The following IK variants were observed in gnomAD, a reference collection of about 807,000 sequenced individuals.
The protein encoded by IK is IK cytokine, also known as protein Red.
In IK, 47 loss-of-function variants were observed where a neutral mutation model predicts 90.9. That is an observed-to-expected ratio of 0.52 (90% CI 0.41 to 0.66). The LOEUF (loss-of-function observed/expected upper bound fraction) is 0.66, where lower values mean the gene tolerates loss of function less well. IK is among the 30% of genes least tolerant of loss of function. The probability of loss-of-function intolerance (pLI) is 0.00; values close to 1 mark genes in which losing one functional copy is unlikely to be tolerated. For synonymous variants in IK, 201 were observed against 227.5 expected (o/e 0.88, Z 1.05); for missense variants, 385 against 709.3 (o/e 0.54, Z 5.19).
At position 140,662,319 on chromosome 5, in the gene IK, C is replaced by A; in HGVS notation, c.1664C>A (p.Pro555Gln). ...CATTGCAGGGTTGAAGTCAAAAGAC[C>A]AAAATACTAATCACTAGTTACAACC... is the stretch of plus-strand genomic sequence containing the variant. ...MEADGVEVKRPKY is the reference protein window; with the variant it reads ...MEADGVEVKRQKY Residue 555 changes from proline (P) to glutamine (Q), a missense_variant, in exon 20 of 20, where the codon CCA becomes CAA. Physicochemically the swap from Pro to Gln is moderately conservative, Grantham distance 76. This residue lies in a region of IK where 29 missense variants were observed against 41.8 expected (regional missense o/e 0.69). Coordinates refer to ENST00000417647, the MANE Select transcript of IK (RefSeq NM_006083.4). 1.2e-6 allele frequency: 2 copies of A among 1,613,864 alleles called. No homozygotes were observed. Among genetic ancestry groups the A allele is most frequent in the Non-Finnish European group, 1.7e-6 (2 of 1,179,796 alleles).
intron 13 of IK, 137 bp downstream of exon 13, chr5:140,659,470 A>G (rs1377024053): frequency 2.1e-6 from 2 of 932,940 alleles, no homozygotes; most frequent in Non-Finnish European, 3.5e-6. Context: ...GCTTTATTGA[A>G]TAGGTGGAGT....
chr5:140,662,080 G>T, intron 18 of IK, 73 bp downstream of exon 18: 2 of 1,578,258 alleles, frequency 1.3e-6, no homozygotes, highest in South Asian at 1.1e-5. Flanking sequence ...TCAGGAACAG[G>T]CAAGGGGCTG....
chr5:140,659,205 C>T, intron 12 of IK, 41 bp downstream of exon 12: 2 of 1,602,198 alleles, frequency 1.2e-6, no homozygotes, highest in Non-Finnish European at 1.7e-6. Flanking sequence ...GGAGTTGCCC[C>T]TCTCTGGAAA....
chr5:140,659,186 C>T, intron 12 of IK, 22 bp downstream of exon 12: 3 of 1,593,296 alleles, frequency 1.9e-6, no homozygotes, highest in Non-Finnish European at 2.6e-6. Context: ...GCCCTTAGTA[C>T]CAGGTGATGG....
chr5:140,660,292 C>CTTTTTTTTTTTTTTTTTTTT lies in IK; in HGVS notation c.1355+100_1355+119dup, dbSNP rs200714869. 170 of 283,142 alleles carry CTTTTTTTTTTTTTTTTTTTT rather than the reference C, an allele frequency of 6.0e-4. 27 individuals are homozygous for CTTTTTTTTTTTTTTTTTTTT. The highest frequency in any genetic ancestry group is 5.7e-3 in the African/African-American group (111 of 19,472). 17.5% of individuals were successfully genotyped at this position (283,142 alleles called of 1,614,324 possible). ...GATTCGCTAAGTCCCAGGGCTACTT[C>CTTTTTTTTTTTTTTTTTTTT]TTTTTTTTTTTTTTTTTTTTTTGGA... On this transcript the variant is annotated intron_variant, in intron 15 of 19. Coordinates refer to ENST00000417647, the MANE Select transcript of IK (RefSeq NM_006083.4).
chr5:140,659,753 T>C lies in IK; in HGVS notation c.1196-3T>C, dbSNP rs779549192. The C allele has an allele frequency of 6.3e-7, 1 of 1,584,918 alleles. No individual in the cohort carries two copies. The highest frequency in any genetic ancestry group is 8.6e-7 in the Non-Finnish European group (1 of 1,163,392). ...GTCTGGGCTGAGTTCTCTTTTCTCC[T>C]AGGACCTGGGTCTACCAAGGAGTTG... On this transcript the variant is annotated splice_region_variant and splice_polypyrimidine_tract_variant and intron_variant, in intron 13 of 19. Transcript: ENST00000417647.
intron 9 of IK, 120 bp from the exon 10 acceptor site, chr5:140,657,434 C>T (rs936705114): frequency 1.8e-5 from 12 of 671,886 alleles, no homozygotes; most frequent in East Asian, 1.1e-4. Context: ...CACAGCACTT[C>T]GTTTCCCTCC....
chr5:140,659,246 A>G (rs1757762209), intron 12 of IK, 69 bp from the exon 13 acceptor site: 1 of 1,613,110 alleles, frequency 6.2e-7, no homozygotes, highest in African/African-American at 1.3e-5. Flanking sequence ...GAATTGTTTC[A>G]AACTTGGGGG....
At chr5:140,657,215 TAAAATG>T (rs1346540689) in intron 9 of IK, among the ~76,000 whole-genome samples, 1 of 152,182 alleles carries the variant, frequency 6.6e-6, no homozygotes, top group African/African-American at 2.4e-5. Context: ...AATAAATAAA[TAAAATG>T]TAAATTTTTG....
intron 6 of IK, 142 bp from the exon 7 acceptor site, chr5:140,654,374 C>T (rs947455323): frequency 3.9e-5 from 27 of 694,916 alleles, no homozygotes; most frequent in Admixed American, 1.1e-4. Flanking sequence ...TTGTCTGTCT[C>T]ATCTGCTATA....
At chr5:140,654,461 G>C (rs750564157) in intron 6 of IK, 55 bp from the exon 7 acceptor site, 2 of 1,331,536 alleles carry the variant, frequency 1.5e-6, no homozygotes, top group African/African-American at 1.5e-5. Context: ...TGGTGTAGTG[G>C]ATGTTCAATA....
chr5:140,659,897 C>A lies in IK; in HGVS notation c.1274+63C>A, dbSNP rs76970715. ...ACTGGTCTCTTTACTCCAACCCCCCCTGCCTCCCTGCTCCCTCCTACCCTG... is the reference window on the plus strand; with the variant it reads ...ACTGGTCTCTTTACTCCAACCCCCCATGCCTCCCTGCTCCCTCCTACCCTG... On this transcript the variant is annotated intron_variant, in intron 14 of 19. Transcript: ENST00000417647. 4,746 of 1,162,812 alleles carry A rather than the reference C, an allele frequency of 4.1e-3. 141 individuals are homozygous for A. The African/African-American group carries it at 0.063, about 16-fold the overall frequency. The allele number at this position is 1,162,812 out of a possible 1,614,324, so 72.0% of individuals were successfully genotyped here.
intron 8 of IK, 85 bp downstream of exon 8, chr5:140,654,812 TTCC>T: frequency 2.2e-6 from 2 of 891,712 alleles, no homozygotes; most frequent in Non-Finnish European, 3.5e-6. Context: ...TGCTTCTCCT[TTCC>T]CCCAACCTCC....
At chr5:140,648,854 T>G (rs1757552348) in intron 2 of IK, 1 of 317,318 alleles carries the variant, frequency 3.2e-6, no homozygotes, top group Non-Finnish European at 6.0e-6. Flanking sequence ...TTATTTTTTT[T>G]GAGACTGAGT....
At chr5:140,655,616 T>C (rs1263026865) in intron 8 of IK, among the ~76,000 whole-genome samples, 1 of 152,366 alleles carries the variant, frequency 6.6e-6, no homozygotes, top group East Asian at 1.9e-4. Context: ...CATTACTTAG[T>C]AGATACATGA....
At position 140,661,968 on chromosome 5, in the gene IK, C is replaced by T. The variant is rs1757807621; in HGVS notation, c.1572C>T (p.Asp524=). The change falls in exon 18 of 20, where the codon GAC becomes GAT. Residue 524 remains aspartate (D), a synonymous_variant. Transcript: ENST00000417647. This position sits in a 1 kb window ranked among gnomAD's most constrained non-coding sequence, Gnocchi z 4.2. The part of the protein sequence containing the change: ...RKTRRFKETN[D]KAELDRQWKK... ...CCAGGCGCTTCAAGGAAACCAATGA[C>T]AAAGCAGAGCTTGATCGCCAGTGGA... 6.2e-7 allele frequency: 1 copy of T among 1,611,192 alleles called. No homozygotes were observed. The highest frequency in any genetic ancestry group is 8.5e-7 in the Non-Finnish European group (1 of 1,178,610).
At chr5:140,660,292 C>CCTTTTTTTT in intron 15 of IK, 97 bp downstream of exon 15, 4 of 280,882 alleles carry the variant, frequency 1.4e-5, no homozygotes, top group Non-Finnish European at 1.9e-5. Flanking sequence ...AGGGCTACTT[C>CCTTTTTTTT]TTTTTTTTTT....
chr5:140,653,899 G>C lies in IK; in HGVS notation c.405-39G>C, dbSNP rs749872583. ...ATTACAGGCGTGATCCACCACGCCT[G>C]GACAGTACTGTTCTTATGTGGCCTC... is the stretch of plus-strand genomic sequence containing the variant. On this transcript the variant is annotated intron_variant, in intron 5 of 19. Coordinates refer to ENST00000417647, the MANE Select transcript of IK (RefSeq NM_006083.4). 3 of 1,298,922 alleles carry C rather than the reference G, an allele frequency of 2.3e-6. No individual in the cohort carries two copies. In the Admixed American group the frequency reaches 5.3e-5, roughly 23 times the overall value. The allele number at this position is 1,298,922 out of a possible 1,614,324, so 80.5% of individuals were successfully genotyped here.
rs1436446769 is a variant in IK, at chr5:140,655,892, C to T, written c.701C>T (p.Pro234Leu). 17 of 1,602,386 alleles carry T rather than the reference C, an allele frequency of 1.1e-5. No homozygotes were observed. Among genetic ancestry groups the T allele is most frequent in the Non-Finnish European group, 1.3e-5 (15 of 1,173,878 alleles). ...KAYERNELFLPGRMAYVVDLD... is the reference protein window; with the variant it reads ...KAYERNELFLLGRMAYVVDLD... ...TATGAGCGGAATGAGTTGTTCCTGC[C>T]GGGCCGCATGGCCTATGTGGTAGAC... The change falls in exon 9 of 20, where the codon CCG becomes CTG. Residue 234 changes from proline (P) to leucine (L), a missense_variant. Physicochemically the swap from Pro to Leu is moderately conservative, Grantham distance 98 (BLOSUM62 -3). Around this residue, in one of 8 missense-constraint regions of IK, gnomAD observed 46 missense variants for 50.0 expected, o/e 0.92. Transcript: ENST00000417647.
Sources: gnomAD v4.1 joint callset for allele counts (sites outside exome capture counted in the v4.1 genomes callset) on GRCh38, gnomAD v4.1.1 for gene constraint, gnomAD v4.1.1 regional missense constraint, Gnocchi (gnomAD v3.1) non-coding constraint, MANE v1.5 for transcripts, NCBI Gene and HGNC (gene_info 2026-07-23, HGNC 2026-07-21) for gene names.